The following DNAAF9 variants were observed in gnomAD, a reference collection of about 807,000 sequenced individuals.
The protein encoded by DNAAF9 is shulin.
A neutral mutation model predicts 167.0 loss-of-function variants in DNAAF9; 90 were observed. The observed-to-expected ratio is 0.54, with a 90% CI of 0.45 to 0.64. The LOEUF (loss-of-function observed/expected upper bound fraction) is 0.64. DNAAF9 is among the 30% of genes least tolerant of loss of function. The probability of loss-of-function intolerance (pLI) is 0.00; values close to 1 mark genes in which losing one functional copy is unlikely to be tolerated. For synonymous variants in DNAAF9, 491 were observed against 508.8 expected (o/e 0.96, Z 0.47); for missense variants, 1,315 against 1,442.2 (o/e 0.91, Z 1.43).
rs1326033517 is a variant in DNAAF9 at position 3,407,622 on chromosome 20, C to A, written c.-65G>T. The A allele has an allele frequency of 3.4e-6, 4 of 1,187,600 alleles. No homozygotes were observed. The highest frequency in any genetic ancestry group is 4.5e-5 in the Admixed American group (1 of 22,006). The allele number at this position is 1,187,600 out of a possible 1,614,324, so 73.6% of individuals were successfully genotyped here. On this transcript the variant is annotated 5_prime_UTR_variant, in exon 1 of 37. Transcript: ENST00000252032. ...GCGAGGGTCTCAGTTGCCCGCAGGG[C>A]GGCTCCACGCTAGCTGCGGCCGGGC...
intron 6 of DNAAF9, chr20:3,361,780 G>A: frequency 5.5e-6 from 6 of 1,086,064 alleles, no homozygotes; most frequent in Non-Finnish European, 7.8e-6. Flanking sequence ...AGTACTCTGA[G>A]GTCTACAAGA....
chr20:3,319,802 C>T (rs1305951020), intron 16 of DNAAF9, among the ~76,000 whole-genome samples: 1 of 152,192 alleles, frequency 6.6e-6, no homozygotes, highest in African/African-American at 2.4e-5. Context: ...ATAGGATATA[C>T]AAAAGAGACA....
intron 1 of DNAAF9, among the ~76,000 whole-genome samples, chr20:3,395,240 G>C (rs1240465805): frequency 7.2e-6 from 1 of 138,584 alleles, no homozygotes; most frequent in Non-Finnish European, 1.6e-5. Context: ...CAAAGTGCTG[G>C]GATTACAGGC....
At chr20:3,350,092 T>C (rs1307738690) in intron 7 of DNAAF9, among the ~76,000 whole-genome samples, 1 of 151,514 alleles carries the variant, frequency 6.6e-6, no homozygotes, top group Non-Finnish European at 1.5e-5. Context: ...GAAGACAATG[T>C]AAACATTGTC....
chr20:3,340,454 C>CCCCCCCCCCAAAA, intron 10 of DNAAF9, 50 bp downstream of exon 10: 3 of 1,053,078 alleles, frequency 2.8e-6, no homozygotes, highest in Non-Finnish European at 3.9e-6. Flanking sequence ...ACCCCACCCC[C>CCCCCCCCCCAAAA]ACAACTTGAT....
intron 20 of DNAAF9, among the ~76,000 whole-genome samples, chr20:3,307,380 C>A (rs1284953082): frequency 1.3e-5 from 2 of 152,144 alleles, no homozygotes; most frequent in Admixed American, 1.3e-4. Flanking sequence ...ATTCTCAGAG[C>A]ACACATGAGA....
chr20:3,389,331 T>C (rs1199587348), intron 1 of DNAAF9, among the ~76,000 whole-genome samples: 1 of 151,180 alleles, frequency 6.6e-6, no homozygotes, highest in African/African-American at 2.4e-5. Flanking sequence ...TTTTTTTTTT[T>C]TGTAGAGATG....
At chr20:3,373,004 T>G (rs2083530767) in intron 6 of DNAAF9, among the ~76,000 whole-genome samples, 1 of 152,238 alleles carries the variant, frequency 6.6e-6, no homozygotes, top group South Asian at 2.1e-4. Flanking sequence ...CTCTTCTAAG[T>G]TAGACAGCAT....
chr20:3,318,477 A>G, intron 16 of DNAAF9, 77 bp from the exon 17 acceptor site: 1 of 744,056 alleles, frequency 1.3e-6, no homozygotes. Flanking sequence ...TGAGACCACA[A>G]ATACTGCCTA....
At chr20:3,293,018 G>A (rs2068989910) in intron 25 of DNAAF9, among the ~76,000 whole-genome samples, 1 of 151,314 alleles carries the variant, frequency 6.6e-6, no homozygotes. Flanking sequence ...TCCAGGAGGC[G>A]GAGGTTGCAG....
intron 7 of DNAAF9, among the ~76,000 whole-genome samples, chr20:3,355,198 G>C (rs949775048): frequency 6.6e-6 from 1 of 152,202 alleles, no homozygotes; most frequent in Non-Finnish European, 1.5e-5. Context: ...TCATAATTAG[G>C]TTCGCCAGGG....
In DNAAF9 at chr20:3,337,703, T is replaced by C. The variant is rs191648275; in HGVS notation, c.981+2801A>G. Among the ~76,000 whole-genome samples the C allele has an allele frequency of 1.8e-4, 27 of 151,626 alleles. No homozygotes were observed. The East Asian group carries it at 4.1e-3, about 23-fold the overall frequency. On this transcript the variant is annotated intron_variant, in intron 10 of 36. Transcript: ENST00000252032. The stretch of plus-strand genomic sequence containing the variant: ...GTTTGTGATATAAATTAATAACTAA[T>C]CGAAGTCCACCTTCAAATTACACTC...
intron 10 of DNAAF9, 71 bp downstream of exon 10, chr20:3,340,433 T>TCCCACCCC: frequency 9.0e-6 from 2 of 221,214 alleles, no homozygotes; most frequent in Admixed American, 5.6e-5. Context: ...TTTGTCTAGC[T>TCCCACCCC]CCCCCCACCC....
intron 1 of DNAAF9, among the ~76,000 whole-genome samples, chr20:3,394,942 C>CTTTTTTTTTTTTTTTTTTTTTTTTTTT (rs1258382355): frequency 2.2e-5 from 2 of 89,020 alleles, no homozygotes; most frequent in African/African-American, 3.9e-5. Flanking sequence ...TGAACATTTT[C>CTTTTTTTTTTTTTTTTTTTTTTTTTTT]TTTTTTCTTT....
intron 23 of DNAAF9, 101 bp downstream of exon 23, chr20:3,296,760 G>A: frequency 1.1e-5 from 8 of 756,678 alleles, no homozygotes. Context: ...GACCCTTTCA[G>A]AAGCCAAGAC....
At chr20:3,402,649 C>T (rs2084004227) in intron 1 of DNAAF9, among the ~76,000 whole-genome samples, 1 of 152,020 alleles carries the variant, frequency 6.6e-6, no homozygotes, top group Non-Finnish European at 1.5e-5. Context: ...ATGAACGCAG[C>T]TCGCTGTAGC....
At chr20:3,352,274 G>A (rs56689368) in intron 7 of DNAAF9, among the ~76,000 whole-genome samples, 31,273 of 152,032 alleles carry the variant, frequency 0.21, 3,526 homozygotes, top group African/African-American at 0.28. Context: ...CCACCTCTGT[G>A]CCTCGGCCCG....
intron 20 of DNAAF9, chr20:3,306,899 G>C: frequency 2.0e-6 from 2 of 985,208 alleles, no homozygotes; most frequent in Middle Eastern, 5.2e-4. Flanking sequence ...CCAGAGATAA[G>C]AGGGCTCCAT....
intron 33 of DNAAF9, among the ~76,000 whole-genome samples, chr20:3,257,380 T>C (rs1420882713): frequency 6.6e-6 from 1 of 151,728 alleles, no homozygotes; most frequent in Non-Finnish European, 1.5e-5. Flanking sequence ...GGCATGGTGG[T>C]TCACGCCTAT....
Sources: gnomAD v4.1 joint callset for allele counts (sites outside exome capture counted in the v4.1 genomes callset) on GRCh38, gnomAD v4.1.1 for gene constraint, MANE v1.5 for transcripts, NCBI Gene and HGNC (gene_info 2026-07-23, HGNC 2026-07-21) for gene names.